Variants in CFTR observed in about 807,000 individuals in gnomAD.
CFTR encodes the protein CF transmembrane conductance regulator.
A neutral mutation model predicts 171.6 loss-of-function variants in CFTR; 181 were observed. The ratio of observed to expected loss-of-function variants is 1.05; its 90% CI spans 0.93 to 1.19. CFTR has a LOEUF of 1.19. CFTR is among the 50% of genes most tolerant of loss of function. CFTR has a pLI of 0.00. For synonymous variants in CFTR, 583 were observed against 608.0 expected, an observed-to-expected ratio of 0.96 and a Z score of 0.60; for missense variants, 1,968 against 1,734.7, an observed-to-expected ratio of 1.13 and a Z score of -2.39.
chr7:117,595,192 C>A (rs903388415), intron 15 of CFTR, 134 bp downstream of exon 15: 1 of 665,958 alleles, frequency 1.5e-6, no homozygotes, highest in Non-Finnish European at 2.6e-6. Flanking sequence ...TGCATATATA[C>A]ACACATATAT....
chr7:117,540,129 C>G lies in CFTR; in HGVS notation c.899C>G (p.Ala300Gly), dbSNP rs142134579. ...QTELKLTRKAAYVRYFNSSAF... is the reference protein window; with the variant it reads ...QTELKLTRKAGYVRYFNSSAF... ...GAACTGAAACTGACTCGGAAGGCAGCCTATGTGAGATACTTCAATAGCTCA... is the reference window on the plus strand; with the variant it reads ...GAACTGAAACTGACTCGGAAGGCAGGCTATGTGAGATACTTCAATAGCTCA... The change falls in exon 8 of 27, where the codon GCC becomes GGC. Residue 300 changes from alanine (A) to glycine (G), a missense_variant. Physicochemically the swap from Ala to Gly is moderately conservative, Grantham distance 60 (BLOSUM62 0). Transcript: ENST00000003084. The G allele has an allele frequency of 3.1e-6, 5 of 1,612,962 alleles. No individual in the cohort carries two copies. The highest frequency in any genetic ancestry group is 3.4e-6 in the Non-Finnish European group (4 of 1,179,044).
Position 117,584,389 on chromosome 7 carries a change from T to C in CFTR, c.1585-3350T>C, listed in dbSNP as rs1791897805. On this transcript the variant is annotated intron_variant, in intron 11 of 26. Coordinates refer to ENST00000003084, the MANE Select transcript of CFTR (RefSeq NM_000492.4). Reference sequence around the variant, plus strand: ...GGATCCAGTTTCATTCTTCTACGTGTGGCTTGCCAGTTTTCCCAGCACCAT... The same window carrying C: ...GGATCCAGTTTCATTCTTCTACGTGCGGCTTGCCAGTTTTCCCAGCACCAT... Among the ~76,000 whole-genome samples, 4 of 152,316 alleles carry C rather than the reference T, an allele frequency of 2.6e-5. No individual in the cohort carries two copies. In the South Asian group the frequency reaches 8.3e-4, roughly 32 times the overall value.
At chr7:117,533,270 C>T (rs1028633360) in intron 4 of CFTR, among the ~76,000 whole-genome samples, 3 of 152,006 alleles carry the variant, frequency 2.0e-5, no homozygotes, top group African/African-American at 7.2e-5. Context: ...TGCCTTGATT[C>T]CTTCTTTTCT....
intron 23 of CFTR, among the ~76,000 whole-genome samples, chr7:117,647,614 G>C (rs909644780): frequency 6.6e-6 from 1 of 151,530 alleles, no homozygotes; most frequent in Non-Finnish European, 1.5e-5. Flanking sequence ...TCCAACACTG[G>C]GAATTACAAT....
chr7:117,613,826 C>G (rs1408186392), intron 20 of CFTR, among the ~76,000 whole-genome samples: 1 of 151,880 alleles, frequency 6.6e-6, no homozygotes, highest in Non-Finnish European at 1.5e-5. Context: ...TGTAAGAACT[C>G]TTGATTGGGA....
chr7:117,627,082 G>T (rs887440199), intron 21 of CFTR, among the ~76,000 whole-genome samples: 14 of 152,184 alleles, frequency 9.2e-5, no homozygotes, highest in Non-Finnish European at 4.4e-5. Flanking sequence ...TTAACCACCT[G>T]GTTGACACAT....
intron 1 of CFTR, among the ~76,000 whole-genome samples, chr7:117,483,817 C>G (rs1041815963): frequency 6.6e-6 from 1 of 152,000 alleles, no homozygotes; most frequent in Non-Finnish European, 1.5e-5. Context: ...TCAAGTTATC[C>G]TCCCACTCAG....
intron 11 of CFTR, among the ~76,000 whole-genome samples, chr7:117,562,120 G>A (rs962785373): frequency 6.6e-6 from 1 of 152,128 alleles, no homozygotes; most frequent in Non-Finnish European, 1.5e-5. Flanking sequence ...GTAGAGACTA[G>A]CTTGTATTAT....
At chr7:117,622,215 AC>A (rs1384234244) in intron 21 of CFTR, among the ~76,000 whole-genome samples, 2 of 152,154 alleles carry the variant, frequency 1.3e-5, no homozygotes, top group African/African-American at 2.4e-5. Flanking sequence ...CATTTGACTG[AC>A]TTTTTATGTG....
chr7:117,624,576 C>T (rs1301735750), intron 21 of CFTR, among the ~76,000 whole-genome samples: 2 of 152,134 alleles, frequency 1.3e-5, no homozygotes, highest in Non-Finnish European at 1.5e-5. Context: ...GCACGGGCCT[C>T]CTTTGTTCTA....
Position 117,480,117 on chromosome 7 carries a change from A to G in CFTR, c.23A>G (p.Lys8Arg), listed in dbSNP as rs1204115625. 2 of 1,613,734 alleles carry G rather than the reference A, an allele frequency of 1.2e-6. No homozygotes were observed. The highest frequency in any genetic ancestry group is 1.7e-6 in the Non-Finnish European group (2 of 1,179,870). ...ACCATGCAGAGGTCGCCTCTGGAAA[A>G]GGCCAGCGTTGTCTCCAAACTTTTT... is the stretch of plus-strand genomic sequence containing the variant. The part of the protein sequence containing the change: MQRSPLE[K>R]ASVVSKLFFS... Residue 8 changes from lysine to arginine, a missense_variant, in exon 1 of 27, where the codon AAG (lysine) becomes AGG (arginine). Coordinates refer to ENST00000003084, the MANE Select transcript of CFTR (RefSeq NM_000492.4).
chr7:117,525,858 A>C (rs1245491365), intron 3 of CFTR, among the ~76,000 whole-genome samples: 2 of 149,908 alleles, frequency 1.3e-5, no homozygotes, highest in Non-Finnish European at 3.0e-5. Context: ...TGTGTCTTTT[A>C]ATTGGAGCAT....
At chr7:117,569,816 A>G (rs1305082710) in intron 11 of CFTR, among the ~76,000 whole-genome samples, 1 of 152,196 alleles carries the variant, frequency 6.6e-6, no homozygotes, top group Non-Finnish European at 1.5e-5. Context: ...ATTCATATTT[A>G]GTCATTCATT....
In CFTR at chr7:117,592,521, G is replaced by T. The variant is rs141880790; in HGVS notation, c.2354G>T (p.Arg785Leu). Residue 785 changes from arginine (R) to leucine (L), a missense_variant, in exon 14 of 27, where the codon CGA becomes CTA. Coordinates refer to ENST00000003084, the MANE Select transcript of CFTR (RefSeq NM_000492.4). ...GTTAACCAAGGTCAGAACATTCACC[G>T]AAAGACAACAGCATCCACACGAAAA... ...HSVNQGQNIH[R>L]KTTASTRKVS... is the part of the protein sequence containing the mutation. 2.0e-6 allele frequency: 3 copies of T among 1,527,968 alleles called. No homozygotes were observed. Among genetic ancestry groups the T allele is most frequent in the Non-Finnish European group, 2.6e-6 (3 of 1,140,760 alleles). The allele number at this position is 1,527,968 out of a possible 1,614,324, so 94.7% of individuals were successfully genotyped here.
intron 14 of CFTR, among the ~76,000 whole-genome samples, chr7:117,593,042 C>A (rs1329033072): frequency 8.5e-5 from 13 of 152,146 alleles, no homozygotes; most frequent in Admixed American, 8.5e-4. Context: ...GCAAAATAAT[C>A]TGTATGGAAG....
At chr7:117,665,594 C>T (rs934366016) in intron 26 of CFTR, 30 bp downstream of exon 26, 2 of 1,289,616 alleles carry the variant, frequency 1.6e-6, no homozygotes, top group Middle Eastern at 1.8e-4. Context: ...CTTAAGATCT[C>T]ATTGCCCTTG....
chr7:117,569,556 G>A (rs1791656630), intron 11 of CFTR, among the ~76,000 whole-genome samples: 1 of 152,092 alleles, frequency 6.6e-6, no homozygotes, highest in Non-Finnish European at 1.5e-5. Flanking sequence ...TATAATGAAA[G>A]AAAAGTAAAT....
At chr7:117,504,047 G>A (rs563424744) in intron 1 of CFTR, among the ~76,000 whole-genome samples, 74 of 152,148 alleles carry the variant, frequency 4.9e-4, no homozygotes, top group Non-Finnish European at 9.1e-4. Flanking sequence ...CAAAGTGACA[G>A]TCACATTAGT....
intron 1 of CFTR, chr7:117,487,969 G>A (rs890422281): frequency 1.3e-5 from 2 of 152,138 alleles, no homozygotes; most frequent in African/African-American, 4.8e-5. Flanking sequence ...AAGCAAGGTG[G>A]AGAAACTATA....
Sources: gnomAD v4.1 joint callset for allele counts (sites outside exome capture counted in the v4.1 genomes callset) on GRCh38, gnomAD v4.1.1 for gene constraint, MANE v1.5 for transcripts, NCBI Gene and HGNC (gene_info 2026-07-23, HGNC 2026-07-21) for gene names.